Variants in PRKAR2B observed in about 807,000 individuals in gnomAD.
The protein encoded by PRKAR2B is cAMP-dependent protein kinase type II-beta regulatory subunit.
PRKAR2B carries 14 observed loss-of-function variants against 49.9 expected under a neutral mutation model. The observed-to-expected ratio is 0.28, with a 90% confidence interval of 0.19 to 0.44. PRKAR2B has a LOEUF of 0.44. Among genes scored for constraint, PRKAR2B ranks in the 20% least tolerant of loss-of-function variants. The pLI, the probability that PRKAR2B is intolerant of heterozygous loss-of-function variation, is 1.00. For synonymous variants in PRKAR2B, 196 were observed against 197.7 expected (o/e 0.99, Z 0.07); for missense variants, 393 against 537.9 (o/e 0.73, Z 2.67).
intron 8 of PRKAR2B, among the ~76,000 whole-genome samples, chr7:107,154,114 G>A (rs1796037900): frequency 6.6e-6 from 1 of 152,060 alleles, no homozygotes; most frequent in Non-Finnish European, 1.5e-5. Flanking sequence ...GAGCAGTCAG[G>A]GATTGGGAAG....
At chr7:107,131,763 A>G (rs1271620855) in intron 4 of PRKAR2B, among the ~76,000 whole-genome samples, 4 of 152,232 alleles carry the variant, frequency 2.6e-5, no homozygotes, top group Non-Finnish European at 2.9e-5. Context: ...AGCCCAAAAC[A>G]TGGCAGATTA....
intron 10 of PRKAR2B, 83 bp from the exon 11 acceptor site, chr7:107,159,366 A>G (rs766700075): frequency 7.6e-7 from 1 of 1,307,336 alleles, no homozygotes; most frequent in Non-Finnish European, 1.1e-6. Context: ...ATTGATATAT[A>G]TGGAGTCGGT....
At chr7:107,068,926 T>G (rs1441026791) in intron 1 of PRKAR2B, 1 of 152,188 alleles carries the variant, frequency 6.6e-6, no homozygotes, top group Admixed American at 6.5e-5. Context: ...CATCAGTTGT[T>G]TGAAGATGCT....
chr7:107,124,774 G>A (rs1024470718), intron 3 of PRKAR2B, among the ~76,000 whole-genome samples: 2 of 151,296 alleles, frequency 1.3e-5, no homozygotes, highest in Admixed American at 1.3e-4. Context: ...CTTGTTAACT[G>A]TTTTTCTAAT....
At chr7:107,068,450 CTAACTT>C (rs1355502090) in intron 1 of PRKAR2B, 1 of 152,122 alleles carries the variant, frequency 6.6e-6, no homozygotes, top group African/African-American at 2.4e-5. Flanking sequence ...ACTCTTTAGA[CTAACTT>C]TAATAGTTGC....
chr7:107,061,072 T>G (rs960900560), intron 1 of PRKAR2B, among the ~76,000 whole-genome samples: 1 of 152,196 alleles, frequency 6.6e-6, no homozygotes, highest in Non-Finnish European at 1.5e-5. Flanking sequence ...GTGAATGTAC[T>G]TCAAGCTTCT....
intron 10 of PRKAR2B, 93 bp from the exon 11 acceptor site, chr7:107,159,356 A>G: frequency 8.5e-7 from 1 of 1,181,908 alleles, no homozygotes; most frequent in Non-Finnish European, 1.2e-6. Flanking sequence ...TCATTGCACT[A>G]TTGATATATA....
At chr7:107,097,621 T>G (rs1400426861) in intron 2 of PRKAR2B, among the ~76,000 whole-genome samples, 4 of 152,234 alleles carry the variant, frequency 2.6e-5, no homozygotes, top group Non-Finnish European at 4.4e-5. Context: ...TCTTTACAAT[T>G]TGGCATGTTT....
chr7:107,136,111 G>A (rs891081608), intron 4 of PRKAR2B, among the ~76,000 whole-genome samples: 1 of 151,982 alleles, frequency 6.6e-6, no homozygotes, highest in African/African-American at 2.4e-5. Flanking sequence ...AAATGGTGCT[G>A]GAAAAACTAG....
intron 2 of PRKAR2B, among the ~76,000 whole-genome samples, chr7:107,106,037 A>G (rs1441849218): frequency 6.6e-6 from 1 of 152,130 alleles, no homozygotes; most frequent in Non-Finnish European, 1.5e-5. Flanking sequence ...TCAGGAGCAG[A>G]TTGAGTGATA....
chr7:107,086,120 G>A (rs971623395), intron 2 of PRKAR2B, among the ~76,000 whole-genome samples: 1 of 152,144 alleles, frequency 6.6e-6, no homozygotes, highest in Non-Finnish European at 1.5e-5. Flanking sequence ...TATGAGTGAA[G>A]CATAGCTCCT....
chr7:107,099,033 C>G (rs1427777473), intron 2 of PRKAR2B, among the ~76,000 whole-genome samples: 1 of 152,188 alleles, frequency 6.6e-6, no homozygotes, highest in Non-Finnish European at 1.5e-5. Flanking sequence ...AACCACTACT[C>G]TCTTCAAAGC....
chr7:107,117,873 A>G (rs1451792797), intron 2 of PRKAR2B, among the ~76,000 whole-genome samples: 2 of 152,188 alleles, frequency 1.3e-5, no homozygotes, highest in African/African-American at 2.4e-5. Context: ...TCTATCTGCA[A>G]TGTGGGAATC....
rs552432735 is a variant in PRKAR2B at position 107,106,866 on chromosome 7, A to G, written c.344-15086A>G. Among the ~76,000 whole-genome samples the G allele has an allele frequency of 2.6e-5, 4 of 152,072 alleles. No individual in the cohort carries two copies. In the East Asian group the frequency reaches 7.8e-4, roughly 30 times the overall value. ...AGTGGCTAGAAGGAGATAATCTAGGATATCTGGTGTGGCTTCTTGGTGCCT... is the reference window on the plus strand; with the variant it reads ...AGTGGCTAGAAGGAGATAATCTAGGGTATCTGGTGTGGCTTCTTGGTGCCT... On this transcript the variant is annotated intron_variant, in intron 2 of 10. Transcript: ENST00000265717.
chr7:107,160,628 A>G lies in PRKAR2B; in HGVS notation c.*1046A>G, dbSNP rs1479135027. On this transcript the variant is annotated 3_prime_UTR_variant, in exon 11 of 11. Transcript: ENST00000265717. ...CCACAATCTCATTGATCAGCAGCCAATATGGGTTTGTTTGGTTTTTTTAAT... is the reference window on the plus strand; with the variant it reads ...CCACAATCTCATTGATCAGCAGCCAGTATGGGTTTGTTTGGTTTTTTTAAT... The G allele has an allele frequency of 1.3e-5, 2 of 152,178 alleles. No individual in the cohort carries two copies. Among genetic ancestry groups the G allele is most frequent in the Non-Finnish European group, 2.9e-5 (2 of 68,026 alleles). 9.4% of individuals were successfully genotyped at this position (152,178 alleles called of 1,614,324 possible). A position where few individuals can be genotyped will look rare whatever the true frequency, so the allele number is the denominator to read the frequency against.
intron 2 of PRKAR2B, among the ~76,000 whole-genome samples, chr7:107,097,451 ACT>A (rs1169457687): frequency 1.3e-5 from 2 of 151,710 alleles, no homozygotes; most frequent in Non-Finnish European, 2.9e-5. Flanking sequence ...ATGAATCTTG[ACT>A]CTTTATCCAC....
intron 2 of PRKAR2B, among the ~76,000 whole-genome samples, chr7:107,074,368 T>G (rs1401395751): frequency 6.6e-6 from 1 of 151,990 alleles, no homozygotes; most frequent in Admixed American, 6.6e-5. Context: ...CCTCCCAAAG[T>G]GCTGGGATTA....
chr7:107,086,195 A>G (rs954615658), intron 2 of PRKAR2B, among the ~76,000 whole-genome samples: 2 of 151,628 alleles, frequency 1.3e-5, no homozygotes, highest in African/African-American at 4.8e-5. Flanking sequence ...TTTTTCTCTG[A>G]TTTGTAAGTG....
At chr7:107,052,549 T>TTA (rs1793828767) in intron 1 of PRKAR2B, among the ~76,000 whole-genome samples, 1 of 152,246 alleles carries the variant, frequency 6.6e-6, no homozygotes, top group Non-Finnish European at 1.5e-5. Flanking sequence ...CATATGTGAT[T>TTA]TAGTCTTCCC....
Sources: allele counts gnomAD v4.1 joint callset (sites outside exome capture counted in the v4.1 genomes callset), GRCh38; gene constraint gnomAD v4.1.1; transcripts MANE v1.5; gene names NCBI Gene and HGNC (gene_info 2026-07-23, HGNC 2026-07-21).